The following AGBL4 variants were observed in gnomAD, a reference collection of about 807,000 sequenced individuals.
AGBL4 encodes the protein AGBL carboxypeptidase 4.
In AGBL4, 58 loss-of-function variants were observed where a neutral mutation model predicts 66.4. The ratio of observed to expected loss-of-function variants is 0.87; its 90% CI spans 0.71 to 1.09. AGBL4 has a LOEUF of 1.09. AGBL4 is among the 50% of genes least tolerant of loss of function. AGBL4 has a pLI of 0.00. For missense variants in AGBL4, 579 were observed against 631.0 expected, an observed-to-expected ratio of 0.92 and a Z score of 0.88; for synonymous variants, 234 against 222.9, an observed-to-expected ratio of 1.05 and a Z score of -0.44.
intron 3 of AGBL4, among the ~76,000 whole-genome samples, chr1:49,300,099 C>T (rs1644717021): frequency 6.6e-6 from 1 of 152,178 alleles, no homozygotes; most frequent in Admixed American, 6.6e-5. Flanking sequence ...CTTTTGCTGA[C>T]AATTTGCTTT....
intron 2 of AGBL4, among the ~76,000 whole-genome samples, chr1:49,698,629 G>A (rs376259068): frequency 6.6e-6 from 1 of 152,026 alleles, no homozygotes; most frequent in African/African-American, 2.4e-5. Context: ...CTACCTAACA[G>A]AGCTGGTAGG....
At chr1:48,915,310 G>A (rs543432601) in intron 5 of AGBL4, among the ~76,000 whole-genome samples, 2 of 152,270 alleles carry the variant, frequency 1.3e-5, no homozygotes, top group East Asian at 1.9e-4. Context: ...TGCTGGTGAA[G>A]TCCTAGTCAT....
chr1:49,533,015 G>A (rs1651259456), intron 3 of AGBL4, among the ~76,000 whole-genome samples: 1 of 152,082 alleles, frequency 6.6e-6, no homozygotes, highest in Admixed American at 6.6e-5. Context: ...GTACAATTCT[G>A]CTAGTTTTCC....
At chr1:48,776,226 G>A (rs972734679) in intron 6 of AGBL4, among the ~76,000 whole-genome samples, 3 of 151,994 alleles carry the variant, frequency 2.0e-5, no homozygotes, top group Admixed American at 1.3e-4. Context: ...ACAGAGGGAA[G>A]GAACTGGGAG....
chr1:49,861,661 A>G (rs962929362), intron 1 of AGBL4, among the ~76,000 whole-genome samples: 4 of 152,208 alleles, frequency 2.6e-5, no homozygotes, highest in African/African-American at 9.6e-5. Flanking sequence ...ACCTCAACAC[A>G]GCTATTTTGA....
At chr1:48,591,060 C>T in intron 9 of AGBL4, 75 bp from the exon 10 acceptor site, 1 of 1,118,476 alleles carries the variant, frequency 8.9e-7, no homozygotes, top group Non-Finnish European at 1.2e-6. Flanking sequence ...CACTACACTA[C>T]ACACACACAC....
chr1:49,301,961 C>T (rs1175956977), intron 3 of AGBL4, among the ~76,000 whole-genome samples: 2 of 152,160 alleles, frequency 1.3e-5, no homozygotes, highest in African/African-American at 4.8e-5. Context: ...GGAAATATCT[C>T]CCATCCTCCT....
chr1:49,923,918 G>A (rs914246607), intron 1 of AGBL4, among the ~76,000 whole-genome samples: 1 of 152,074 alleles, frequency 6.6e-6, no homozygotes, highest in Non-Finnish European at 1.5e-5. Context: ...GTGATTCCTC[G>A]AAGACCTAAA....
At chr1:49,349,918 A>G (rs965233419) in intron 3 of AGBL4, among the ~76,000 whole-genome samples, 5 of 152,220 alleles carry the variant, frequency 3.3e-5, no homozygotes, top group Non-Finnish European at 5.9e-5. Context: ...GGGAGAAGAC[A>G]GCTATCTACA....
At chr1:49,203,698 G>A (rs1344853641) in intron 4 of AGBL4, among the ~76,000 whole-genome samples, 1 of 152,196 alleles carries the variant, frequency 6.6e-6, no homozygotes, top group African/African-American at 2.4e-5. Flanking sequence ...CAGCTACTCA[G>A]GAGGTTGAGT....
At chr1:49,767,303 A>T (rs1409623064) in intron 2 of AGBL4, among the ~76,000 whole-genome samples, 1 of 152,132 alleles carries the variant, frequency 6.6e-6, no homozygotes, top group African/African-American at 2.4e-5. Flanking sequence ...TACCAAGACG[A>T]TCTCTCAGAA....
chr1:49,100,411 G>A (rs939172683), intron 4 of AGBL4, among the ~76,000 whole-genome samples: 1 of 152,186 alleles, frequency 6.6e-6, no homozygotes, highest in Non-Finnish European at 1.5e-5. Context: ...GCTGTCTGCC[G>A]AGTACACTCC....
In AGBL4 at chr1:49,813,380, T is replaced by C. The variant is rs377372945; in HGVS notation, c.157+38016A>G. Reference sequence around the variant, plus strand: ...TCTCCTGCTATAAACTCTGAAATATTGTCATCAACCTATGCCTCTGCAAAG... The same window carrying C: ...TCTCCTGCTATAAACTCTGAAATATCGTCATCAACCTATGCCTCTGCAAAG... On this transcript the variant is annotated intron_variant, in intron 2 of 13. Coordinates refer to ENST00000371839, the MANE Select transcript of AGBL4 (RefSeq NM_032785.4). 3.3e-4 allele frequency among the ~76,000 whole-genome samples: 50 copies of C among 152,272 alleles called. 1 individual carries two copies. The South Asian group carries it at 9.5e-3, about 29-fold the overall frequency.
chr1:49,093,669 A>G (rs1024348990), intron 4 of AGBL4, among the ~76,000 whole-genome samples: 12 of 152,208 alleles, frequency 7.9e-5, no homozygotes, highest in African/African-American at 2.7e-4. Flanking sequence ...GTAATGTAAT[A>G]TCTCCAACAT....
In AGBL4 at chr1:49,510,282, G is replaced by C. The variant is rs534679975; in HGVS notation, c.282+187031C>G. Among the ~76,000 whole-genome samples, 806 of 152,024 alleles carry C rather than the reference G, an allele frequency of 5.3e-3. 8 individuals are homozygous for C. Among genetic ancestry groups the C allele is most frequent in the Middle Eastern group, 0.017 (5 of 294 alleles). On this transcript the variant is annotated intron_variant, in intron 3 of 13. Coordinates refer to ENST00000371839, the MANE Select transcript of AGBL4 (RefSeq NM_032785.4). ...TTTTTAATGATTGCCATTCTAACTGGTGTGAGATGGTACCTCATTGTGGTT... is the reference window on the plus strand; with the variant it reads ...TTTTTAATGATTGCCATTCTAACTGCTGTGAGATGGTACCTCATTGTGGTT...
intron 6 of AGBL4, among the ~76,000 whole-genome samples, chr1:48,699,046 A>G (rs1269635307): frequency 6.6e-6 from 1 of 152,020 alleles, no homozygotes; most frequent in African/African-American, 2.4e-5. Flanking sequence ...ACATCCAAAG[A>G]TTTTCCTGGT....
At chr1:49,834,130 A>G (rs1224596166) in intron 2 of AGBL4, among the ~76,000 whole-genome samples, 1 of 152,094 alleles carries the variant, frequency 6.6e-6, no homozygotes, top group Non-Finnish European at 1.5e-5. Flanking sequence ...TTCTTTTTCT[A>G]TCGTTTGGAA....
At chr1:48,925,424 T>G (rs1246039109) in intron 5 of AGBL4, among the ~76,000 whole-genome samples, 1 of 152,160 alleles carries the variant, frequency 6.6e-6, no homozygotes, top group African/African-American at 2.4e-5. Context: ...CTAAAACCCA[T>G]GGCCCACAGG....
At chr1:49,931,971 G>A (rs574174313) in intron 1 of AGBL4, among the ~76,000 whole-genome samples, 7 of 152,146 alleles carry the variant, frequency 4.6e-5, no homozygotes, top group East Asian at 1.9e-4. Context: ...TTTGAACACC[G>A]ACATGAAACT....
Sources: allele counts gnomAD v4.1 joint callset (sites outside exome capture counted in the v4.1 genomes callset), GRCh38; gene constraint gnomAD v4.1.1; transcripts MANE v1.5; gene names NCBI Gene and HGNC (gene_info 2026-07-23, HGNC 2026-07-21).